Variants in PRIM2 observed in about 807,000 individuals in gnomAD.
PRIM2 encodes the protein DNA primase subunit 2, also known as DNA primase large subunit.
PRIM2 carries 39 observed loss-of-function variants against 67.3 expected under a neutral mutation model. The observed-to-expected ratio is 0.58, with a 90% CI of 0.45 to 0.76. The LOEUF is 0.76. PRIM2 is among the 30% of genes least tolerant of loss of function. The probability of loss-of-function intolerance (pLI) is 0.00; values close to 1 mark genes in which losing one functional copy is unlikely to be tolerated. For missense variants in PRIM2, 398 were observed against 598.7 expected (o/e 0.66, Z 3.50); for synonymous variants, 143 against 198.7 (o/e 0.72, Z 2.36).
chr6:57,253,026 C>T, the PRIM2 span, among the ~76,000 whole-genome samples: 4 of 152,228 alleles, frequency 2.6e-5, no homozygotes, highest in Admixed American at 6.5e-5. Flanking sequence ...TGAGGTTCCC[C>T]ATGTTTACAT....
intron 10 of PRIM2, among the ~76,000 whole-genome samples, chr6:57,547,183 C>T (rs1219375250): frequency 3.9e-5 from 6 of 152,034 alleles, no homozygotes; most frequent in Non-Finnish European, 8.8e-5. Flanking sequence ...ACAAGCCTGT[C>T]TACCTGAAAA....
chr6:57,483,495 A>G (rs1357572432), intron 7 of PRIM2, among the ~76,000 whole-genome samples: 4 of 152,196 alleles, frequency 2.6e-5, no homozygotes, highest in Non-Finnish European at 5.9e-5. Flanking sequence ...TATAAGATAC[A>G]TAGTTTATAA....
the PRIM2 span, among the ~76,000 whole-genome samples, chr6:57,280,331 T>G: frequency 6.6e-6 from 1 of 152,200 alleles, no homozygotes. Flanking sequence ...TTTATACAAC[T>G]TTACATTTGC....
chr6:57,411,044 G>A (rs7745751), intron 7 of PRIM2, among the ~76,000 whole-genome samples: 11 of 151,736 alleles, frequency 7.2e-5, no homozygotes, highest in East Asian at 1.9e-4. Flanking sequence ...TGGATCATGC[G>A]GGCAGATCTC....
At chr6:57,465,556 C>T (rs1160356027) in intron 7 of PRIM2, among the ~76,000 whole-genome samples, 3 of 152,148 alleles carry the variant, frequency 2.0e-5, no homozygotes, top group Non-Finnish European at 4.4e-5. Context: ...CATGGACTCT[C>T]GTGCTAGACT....
chr6:57,260,976 T>G, the PRIM2 span, among the ~76,000 whole-genome samples: 1 of 152,072 alleles, frequency 6.6e-6, no homozygotes, highest in African/African-American at 2.4e-5. Flanking sequence ...GGTTGAGGGA[T>G]TGGAGGCCCC....
At chr6:57,345,545 A>G (rs1768649078) in intron 5 of PRIM2, among the ~76,000 whole-genome samples, 1 of 146,588 alleles carries the variant, frequency 6.8e-6, no homozygotes, top group Admixed American at 6.8e-5. Context: ...GAATGAAATT[A>G]ATTACACTAA....
chr6:57,608,756 G>A (rs1776606291), intron 12 of PRIM2, among the ~76,000 whole-genome samples: 1 of 151,758 alleles, frequency 6.6e-6, no homozygotes, highest in African/African-American at 2.4e-5. Flanking sequence ...GGATGCTAGA[G>A]TGGTATTAGC....
intron 10 of PRIM2, among the ~76,000 whole-genome samples, chr6:57,580,593 C>T (rs1311725881): frequency 6.6e-6 from 1 of 152,182 alleles, no homozygotes; most frequent in Non-Finnish European, 1.5e-5. Flanking sequence ...TATTTGTTCA[C>T]ATTCTTCTCT....
chr6:57,330,611 T>C (rs1183388129), intron 5 of PRIM2, among the ~76,000 whole-genome samples: 1 of 152,152 alleles, frequency 6.6e-6, no homozygotes, highest in African/African-American at 2.4e-5. Context: ...GGATGCTTTT[T>C]GTTTCTTTAT....
intron 5 of PRIM2, among the ~76,000 whole-genome samples, chr6:57,330,363 T>TTG (rs1768014978): frequency 1.0e-5 from 1 of 98,836 alleles, no homozygotes; most frequent in Non-Finnish European, 2.0e-5. Context: ...TTTTTTTTGT[T>TTG]TTTGTTTTTT....
At chr6:57,568,211 C>A (rs1775786723) in intron 10 of PRIM2, among the ~76,000 whole-genome samples, 1 of 152,094 alleles carries the variant, frequency 6.6e-6, no homozygotes, top group East Asian at 1.9e-4. Context: ...TGGGTATGCC[C>A]AGTCCAATTT....
At chr6:57,274,727 G>A in the PRIM2 span, among the ~76,000 whole-genome samples, 7 of 152,312 alleles carry the variant, frequency 4.6e-5, no homozygotes, top group South Asian at 1.0e-3. Flanking sequence ...CATCACTCAC[G>A]CTGGGAGCTG....
chr6:57,473,157 T>A (rs1325080037), intron 7 of PRIM2, among the ~76,000 whole-genome samples: 1 of 152,224 alleles, frequency 6.6e-6, no homozygotes, highest in African/African-American at 2.4e-5. Context: ...TCTTTTGGAA[T>A]CTCATCAAGG....
the PRIM2 span, among the ~76,000 whole-genome samples, chr6:57,227,932 G>A: frequency 6.6e-6 from 1 of 152,158 alleles, no homozygotes; most frequent in Non-Finnish European, 1.5e-5. Flanking sequence ...TGATGCTCAT[G>A]ACAGAATATT....
In PRIM2 at chr6:57,527,528, G is replaced by A. The variant is rs1774784772; in HGVS notation, c.762-4883G>A. Among the ~76,000 whole-genome samples, 4 of 152,252 alleles carry A rather than the reference G, an allele frequency of 2.6e-5. No individual in the cohort carries two copies. In the South Asian group the frequency reaches 8.3e-4, roughly 32 times the overall value. ...TCGCCTGGATGTAACATTGCCTACA[G>A]TATTCTTCCAGTTTGTTGCCAGTCC... On this transcript the variant is annotated intron_variant, in intron 8 of 13. Coordinates refer to ENST00000615550, the MANE Select transcript of PRIM2 (RefSeq NM_000947.5).
chr6:57,225,055 C>T, the PRIM2 span, among the ~76,000 whole-genome samples: 22 of 152,262 alleles, frequency 1.4e-4, no homozygotes, highest in Admixed American at 5.2e-4. Context: ...ATAGTTTACT[C>T]GGCCACAATT....
chr6:57,634,792 T>G (rs1408921784), intron 13 of PRIM2, among the ~76,000 whole-genome samples: 6 of 152,214 alleles, frequency 3.9e-5, no homozygotes, highest in Non-Finnish European at 7.3e-5. Context: ...ATTGCCAATT[T>G]TTAAAACTTG....
chr6:57,417,210 A>C (rs1369013668), intron 7 of PRIM2, among the ~76,000 whole-genome samples: 1 of 151,976 alleles, frequency 6.6e-6, no homozygotes, highest in Non-Finnish European at 1.5e-5. Flanking sequence ...CAGGTGATCC[A>C]CCTGCCTCAG....
Sources: allele counts gnomAD v4.1 joint callset (sites outside exome capture counted in the v4.1 genomes callset), GRCh38; gene constraint gnomAD v4.1.1; transcripts MANE v1.5; gene names NCBI Gene and HGNC (gene_info 2026-07-23, HGNC 2026-07-21).